The following DOCK10 variants were observed in gnomAD, a reference collection of about 807,000 sequenced individuals.
DOCK10 encodes the protein dedicator of cytokinesis protein 10.
A neutral mutation model predicts 280.1 loss-of-function variants in DOCK10; 145 were observed. The ratio of observed to expected loss-of-function variants is 0.52; its 90% CI spans 0.45 to 0.59. The LOEUF is 0.59. Ranked by LOEUF, DOCK10 falls within the 20% of genes least tolerant of loss-of-function variation. The pLI is 0.00. For missense variants in DOCK10, 2,368 were observed against 2,651.7 expected (o/e 0.89, Z 2.35); for synonymous variants, 915 against 942.2 (o/e 0.97, Z 0.53).
At chr2:224,873,144 A>C (rs1288974746) in intron 11 of DOCK10, among the ~76,000 whole-genome samples, 2 of 152,186 alleles carry the variant, frequency 1.3e-5, no homozygotes, top group Non-Finnish European at 2.9e-5. Context: ...ACATCCATCT[A>C]ATATTACTTT....
intron 1 of DOCK10, among the ~76,000 whole-genome samples, chr2:225,011,405 T>C (rs1263507075): frequency 2.6e-5 from 4 of 152,168 alleles, no homozygotes; most frequent in Admixed American, 2.0e-4. Context: ...GGTTGCAAGA[T>C]CAAGTTACTT....
At chr2:224,885,579 T>A in intron 7 of DOCK10, 92 bp downstream of exon 7, 1 of 1,295,666 alleles carries the variant, frequency 7.7e-7, no homozygotes, top group Non-Finnish European at 1.0e-6. Context: ...CTAGAGCAGC[T>A]CTTGGCTCAT....
At chr2:224,823,213 C>G (rs764386120) in intron 28 of DOCK10, among the ~76,000 whole-genome samples, 78 of 152,102 alleles carry the variant, frequency 5.1e-4, no homozygotes, top group Non-Finnish European at 9.3e-4. Context: ...GTCTCTATCT[C>G]TTGACCTCAT....
chr2:224,923,359 T>C (rs1559774911), intron 2 of DOCK10, among the ~76,000 whole-genome samples: 1 of 152,200 alleles, frequency 6.6e-6, no homozygotes, highest in Non-Finnish European at 1.5e-5. Context: ...ATTTCACTTC[T>C]TTTTTGTGAC....
intron 1 of DOCK10, among the ~76,000 whole-genome samples, chr2:224,974,759 C>T (rs1705303712): frequency 9.7e-6 from 1 of 102,712 alleles, no homozygotes; most frequent in Non-Finnish European, 2.5e-5. Context: ...TCCCCCAAAA[C>T]ACGTACATCC....
At chr2:224,829,467 A>T (rs62186325) in intron 27 of DOCK10, among the ~76,000 whole-genome samples, 1,826 of 152,252 alleles carry the variant, frequency 0.012, 18 homozygotes, top group South Asian at 0.019. Context: ...ACTGTACACC[A>T]CCAACCCCAC....
chr2:224,865,907 T>A (rs72972618), intron 11 of DOCK10, among the ~76,000 whole-genome samples: 7,262 of 151,006 alleles, frequency 0.048, 237 homozygotes, highest in Middle Eastern at 0.12. Flanking sequence ...ACACACACAC[T>A]CTCTCTCTCT....
chr2:224,904,693 T>C (rs1446281380), intron 3 of DOCK10, among the ~76,000 whole-genome samples: 2 of 152,190 alleles, frequency 1.3e-5, no homozygotes, highest in Non-Finnish European at 2.9e-5. Flanking sequence ...CATTCTTATA[T>C]ATGGGCAAGT....
chr2:224,907,827 G>A (rs889334292), intron 3 of DOCK10, among the ~76,000 whole-genome samples: 4 of 152,134 alleles, frequency 2.6e-5, no homozygotes, highest in African/African-American at 7.2e-5. Context: ...TCACCCAATT[G>A]TTGATTTCTG....
In DOCK10 at chr2:224,885,675, A is replaced by G; in HGVS notation, c.743T>C (p.Val248Ala). 6.2e-7 allele frequency: 1 copy of G among 1,605,808 alleles called. No individual in the cohort carries two copies. The change falls in exon 7 of 56, where the codon GTG (valine) becomes GCG (alanine). Residue 248 changes from valine to alanine, a missense_variant. Val to Ala is a moderately conservative substitution (Grantham distance 64). Around this residue, in one of 2 missense-constraint regions of DOCK10, gnomAD observed 1,209 missense variants for 1,250.9 expected, o/e 0.97. Transcript: ENST00000258390. ...CIFLDSCTGV[V>A]QNNRLRKYAF... Reference sequence around the variant, plus strand: ...GGAAAAGGGATGTCTACTCACCTGCACCACTCCTGTACAGGAATCCAAAAA... The same window carrying G: ...GGAAAAGGGATGTCTACTCACCTGCGCCACTCCTGTACAGGAATCCAAAAA...
chr2:224,879,362 C>A (rs1698837214), intron 7 of DOCK10, among the ~76,000 whole-genome samples: 1 of 152,146 alleles, frequency 6.6e-6, no homozygotes, highest in Non-Finnish European at 1.5e-5. Context: ...CACTGATGGA[C>A]AGTCTAAGGG....
chr2:224,950,382 G>T (rs557399246), intron 1 of DOCK10, among the ~76,000 whole-genome samples: 2 of 152,286 alleles, frequency 1.3e-5, no homozygotes, highest in African/African-American at 4.8e-5. Context: ...ACCCTGTGAG[G>T]TAAGTATTGT....
Position 224,953,345 on chromosome 2 carries a change from T to C in DOCK10, c.124-21677A>G, listed in dbSNP as rs1703868387. 2.6e-5 allele frequency among the ~76,000 whole-genome samples: 4 copies of C among 152,232 alleles called. 1 individual carries two copies. The East Asian group carries it at 7.7e-4, about 29-fold the overall frequency. On this transcript the variant is annotated intron_variant, in intron 1 of 55. Transcript: ENST00000258390. The stretch of plus-strand genomic sequence containing the variant: ...TAGATTTCCCCATTTGCCTGCAGGT[T>C]AGTTTGCTGCACAGCCTTTCTGTCA...
At chr2:225,009,139 T>C (rs1454454558) in intron 1 of DOCK10, among the ~76,000 whole-genome samples, 4 of 152,160 alleles carry the variant, frequency 2.6e-5, no homozygotes, top group African/African-American at 9.7e-5. Flanking sequence ...TAGGGAGAGA[T>C]GCTTGAAAAA....
At chr2:224,987,505 G>A (rs1259188314) in intron 1 of DOCK10, among the ~76,000 whole-genome samples, 1 of 152,130 alleles carries the variant, frequency 6.6e-6, no homozygotes, top group Non-Finnish European at 1.5e-5. Flanking sequence ...AGAATACCTA[G>A]CATAGGTGTC....
intron 1 of DOCK10, among the ~76,000 whole-genome samples, chr2:224,977,335 T>C (rs1705498647): frequency 6.6e-6 from 1 of 152,168 alleles, no homozygotes; most frequent in African/African-American, 2.4e-5. Context: ...GTGAGACTAG[T>C]AGCCTGACCA....
At position 224,778,152 on chromosome 2, in the gene DOCK10, G is replaced by C. The variant is rs774586104; in HGVS notation, c.5788C>G (p.Gln1930Glu). ...KFGADNVKII[Q>E]DSNKVNPKDL... ...TTTTCCTCTACCTTGTTGGAATCCTGGATTATCTTCACATTGTCTGCTCCA... is the reference window on the plus strand; with the variant it reads ...TTTTCCTCTACCTTGTTGGAATCCTCGATTATCTTCACATTGTCTGCTCCA... Residue 1930 changes from glutamine (Q) to glutamate (E), a missense_variant, in exon 51 of 56, where the codon CAG (glutamine) becomes GAG (glutamate). This residue lies in a region of DOCK10 where 1,159 missense variants were observed against 1,400.8 expected (regional missense o/e 0.83). Transcript: ENST00000258390. The C allele has an allele frequency of 1.9e-6, 3 of 1,613,216 alleles. No homozygotes were observed. The highest frequency in any genetic ancestry group is 2.5e-6 in the Non-Finnish European group (3 of 1,179,550).
intron 1 of DOCK10, among the ~76,000 whole-genome samples, chr2:225,001,930 C>T (rs1030404449): frequency 1.3e-5 from 2 of 152,186 alleles, no homozygotes; most frequent in Non-Finnish European, 2.9e-5. Flanking sequence ...TAAGGCCCCA[C>T]CTCCTAATAC....
chr2:224,936,981 T>C (rs1702727051), intron 1 of DOCK10, among the ~76,000 whole-genome samples: 1 of 151,998 alleles, frequency 6.6e-6, no homozygotes, highest in East Asian at 1.9e-4. Flanking sequence ...TTTCAAGTAA[T>C]TAAGAAAAGA....
Sources: allele counts gnomAD v4.1 joint callset (sites outside exome capture counted in the v4.1 genomes callset), GRCh38; gene constraint gnomAD v4.1.1; regional missense constraint gnomAD v4.1.1; transcripts MANE v1.5; gene names NCBI Gene and HGNC (gene_info 2026-07-23, HGNC 2026-07-21).